GTF2IRD1: variants seen among roughly 807,000 people sequenced by gnomAD.
GTF2IRD1 encodes GTF2I repeat domain containing 1.
A neutral mutation model predicts 113.2 loss-of-function variants in GTF2IRD1; 26 were observed. The ratio of observed to expected loss-of-function variants is 0.23; its 90% CI spans 0.17 to 0.32. The LOEUF (loss-of-function observed/expected upper bound fraction) is 0.32, where lower values mean the gene tolerates loss of function less well. Ranked by LOEUF, GTF2IRD1 falls within the 10% of genes least tolerant of loss-of-function variation. The pLI, the probability that GTF2IRD1 is intolerant of heterozygous loss-of-function variation, is 1.00. For synonymous variants in GTF2IRD1, 484 were observed against 529.1 expected, an observed-to-expected ratio of 0.91 and a Z score of 1.17; for missense variants, 864 against 1,280.8, an observed-to-expected ratio of 0.67 and a Z score of 4.97.
intron 6 of GTF2IRD1, among the ~76,000 whole-genome samples, chr7:74,520,921 C>G (rs1309380495): frequency 2.7e-5 from 4 of 148,964 alleles, no homozygotes; most frequent in Non-Finnish European, 5.9e-5. Context: ...GTGGGCTGAC[C>G]AGGGCTTCGA....
intron 1 of GTF2IRD1, among the ~76,000 whole-genome samples, chr7:74,457,792 A>G (rs1293035502): frequency 6.6e-5 from 10 of 151,912 alleles, no homozygotes; most frequent in African/African-American, 2.4e-4. Flanking sequence ...GGGGACACCC[A>G]TGGAAGAAGA....
chr7:74,535,780 G>A (rs1297267581), intron 10 of GTF2IRD1, among the ~76,000 whole-genome samples: 3 of 152,214 alleles, frequency 2.0e-5, no homozygotes, highest in Non-Finnish European at 4.4e-5. Context: ...GCCTTCCTCT[G>A]GGCTCCTGGC....
chr7:74,538,281 G>A, intron 12 of GTF2IRD1, 108 bp downstream of exon 12: 1 of 1,127,134 alleles, frequency 8.9e-7, no homozygotes, highest in South Asian at 1.3e-5. Context: ...AGCCTGGAGT[G>A]CTAACGAGCC....
At chr7:74,467,625 C>T (rs1465785904) in intron 1 of GTF2IRD1, among the ~76,000 whole-genome samples, 2 of 151,636 alleles carry the variant, frequency 1.3e-5, no homozygotes, top group Admixed American at 6.6e-5. Context: ...CTCAGCTTCC[C>T]GAGTAGCTGG....
chr7:74,536,573 C>T (rs1282151263), intron 11 of GTF2IRD1, among the ~76,000 whole-genome samples: 6 of 151,400 alleles, frequency 4.0e-5, no homozygotes, highest in African/African-American at 9.7e-5. Flanking sequence ...TTTGGGAGGC[C>T]GAGGCGGGCG....
chr7:74,536,578 CG>C (rs1798311084), intron 11 of GTF2IRD1, among the ~76,000 whole-genome samples: 1 of 151,740 alleles, frequency 6.6e-6, no homozygotes, highest in African/African-American at 2.4e-5. Context: ...GAGGCCGAGG[CG>C]GGCGGATCTC....
At chr7:74,475,288 A>G (rs769236164) in intron 1 of GTF2IRD1, among the ~76,000 whole-genome samples, 20 of 152,214 alleles carry the variant, frequency 1.3e-4, no homozygotes, top group Admixed American at 2.6e-4. Flanking sequence ...AAGAAAAATG[A>G]TACTCAACCC....
chr7:74,518,378 G>A lies in GTF2IRD1; in HGVS notation c.605+56G>A, dbSNP rs1394759720. ...TGGGGCTGGGCCAGGGCCGGGTCAG[G>A]GCCGGGGGCTGGAGGCCACTTAGCC... On this transcript the variant is annotated intron_variant, in intron 5 of 26. Transcript: ENST00000424337. The A allele has an allele frequency of 3.8e-5, 55 of 1,432,424 alleles. No individual in the cohort carries two copies. The Admixed American group carries it at 4.8e-4, about 13-fold the overall frequency. The allele number at this position is 1,432,424 out of a possible 1,614,324, so 88.7% of individuals were successfully genotyped here.
intron 4 of GTF2IRD1, among the ~76,000 whole-genome samples, chr7:74,516,636 C>T (rs587728524): frequency 6.6e-6 from 1 of 152,230 alleles, no homozygotes. Context: ...GAGGAAACTT[C>T]TGCTGTTCTT....
intron 1 of GTF2IRD1, among the ~76,000 whole-genome samples, chr7:74,470,868 A>T (rs1794043400): frequency 6.6e-6 from 1 of 152,092 alleles, no homozygotes; most frequent in South Asian, 2.1e-4. Flanking sequence ...CAATGGCGTG[A>T]TCTCGGCTCA....
intron 22 of GTF2IRD1, among the ~76,000 whole-genome samples, chr7:74,587,017 T>C (rs1239271943): frequency 1.3e-5 from 2 of 152,078 alleles, no homozygotes; most frequent in African/African-American, 4.8e-5. Context: ...GCATGGTGAT[T>C]CATGCCTGGA....
chr7:74,582,411 C>T (rs781797782), intron 22 of GTF2IRD1, among the ~76,000 whole-genome samples: 3 of 152,204 alleles, frequency 2.0e-5, no homozygotes, highest in Admixed American at 6.5e-5. Flanking sequence ...GTGTGCACCA[C>T]CATGCCCAGC....
In GTF2IRD1 at chr7:74,590,898, G is replaced by A; in HGVS notation, c.2472G>A (p.Glu824=). ...TCCGGGACAGCCCAGACGCCGTGGA[G>A]GTCACGGGTCTGCCTGATGACATCC... ...KLIRDSPDAV[E]VTGLPDDIPF... Residue 824 remains glutamate (E), a synonymous_variant, in exon 24 of 27, where the codon GAG becomes GAA. Coordinates refer to ENST00000424337, the MANE Select transcript of GTF2IRD1 (RefSeq NM_005685.4). The A allele has an allele frequency of 1.2e-6, 2 of 1,613,366 alleles. No homozygotes were observed. The highest frequency in any genetic ancestry group is 1.7e-6 in the Non-Finnish European group (2 of 1,179,470).
rs111577999 is a variant in GTF2IRD1, at chr7:74,564,748, AAG to A, written c.2320+5109_2320+5110del. Reference sequence around the variant, plus strand: ...ACAGAGCGAGGTCTTGTCTCTAAAAAAGAGAGAGAGAGAGAGATAAGCCCAGA... The same window carrying A: ...ACAGAGCGAGGTCTTGTCTCTAAAAAAGAGAGAGAGAGAGATAAGCCCAGA... On this transcript the variant is annotated intron_variant, in intron 22 of 26. Transcript: ENST00000424337. Among the ~76,000 whole-genome samples, 21 of 151,058 alleles carry A rather than the reference AAG, an allele frequency of 1.4e-4. No homozygotes were observed. The East Asian group carries it at 2.5e-3, about 18-fold the overall frequency.
intron 9 of GTF2IRD1, 32 bp from the exon 10 acceptor site, chr7:74,535,081 T>C (rs59656369): frequency 0.046 from 74,557 of 1,606,706 alleles, 5,580 homozygotes; most frequent in East Asian, 0.41. Context: ...CAGCCTGCAC[T>C]GTTCTCATGC....
intron 1 of GTF2IRD1, among the ~76,000 whole-genome samples, chr7:74,505,412 G>C (rs936431151): frequency 3.3e-5 from 5 of 152,166 alleles, no homozygotes; most frequent in African/African-American, 1.2e-4. Flanking sequence ...GCACCCACCT[G>C]GGCTGTGGCT....
chr7:74,530,650 G>A (rs974745916), intron 9 of GTF2IRD1, among the ~76,000 whole-genome samples: 5 of 142,844 alleles, frequency 3.5e-5, no homozygotes, highest in African/African-American at 1.3e-4. Context: ...TGGCCCCCCC[G>A]ACCCAAGTTT....
In GTF2IRD1 at chr7:74,601,143, C is replaced by T. The variant is rs143878229; in HGVS notation, c.2729C>T (p.Pro910Leu). 1,551 of 1,610,044 alleles carry T rather than the reference C, an allele frequency of 9.6e-4. 1 individual carries two copies. Among genetic ancestry groups the T allele is most frequent in the Non-Finnish European group, 1.2e-3 (1,415 of 1,178,086 alleles). The change falls in exon 26 of 27, where the codon CCG becomes CTG. Residue 910 changes from proline to leucine, a missense_variant. Physicochemically the swap from Pro to Leu is moderately conservative, Grantham distance 98. Around this residue, in one of 7 missense-constraint regions of GTF2IRD1, gnomAD observed 55 missense variants for 52.2 expected, o/e 1.05. Coordinates refer to ENST00000424337, the MANE Select transcript of GTF2IRD1 (RefSeq NM_005685.4). ...TCTTCCTCTTCCTCGTCCTCTAACCCGGATTCAGTGGCATCGGCCAACCAG... is the reference window on the plus strand; with the variant it reads ...TCTTCCTCTTCCTCGTCCTCTAACCTGGATTCAGTGGCATCGGCCAACCAG... ...SSSSSSSSSN[P>L]DSVASANQIS...
chr7:74,579,200 A>G (rs1433673302), intron 22 of GTF2IRD1, among the ~76,000 whole-genome samples: 6 of 152,154 alleles, frequency 3.9e-5, no homozygotes, highest in African/African-American at 1.4e-4. Context: ...ATGCACCTGT[A>G]GGCCCATGTA....
Sources: gnomAD v4.1 joint callset for allele counts (sites outside exome capture counted in the v4.1 genomes callset) on GRCh38, gnomAD v4.1.1 for gene constraint, gnomAD v4.1.1 regional missense constraint, MANE v1.5 for transcripts, NCBI Gene and HGNC (gene_info 2026-07-23, HGNC 2026-07-21) for gene names.